Variants in TNNI3K observed in about 807,000 individuals in gnomAD.
The protein encoded by TNNI3K is TNNI3 interacting kinase.
TNNI3K carries 140 observed loss-of-function variants against 114.5 expected under a neutral mutation model. The observed-to-expected ratio is 1.22, with a 90% CI of 1.07 to 1.41. TNNI3K has a LOEUF of 1.41. Ranked by LOEUF, TNNI3K falls within the 40% of genes most tolerant of loss-of-function variation. The pLI, the probability that TNNI3K is intolerant of heterozygous loss-of-function variation, is 0.00. For missense variants in TNNI3K, 1,125 were observed against 1,007.6 expected (o/e 1.12, Z -1.58); for synonymous variants, 347 against 347.5 (o/e 1.00, Z 0.02).
intron 4 of TNNI3K, among the ~76,000 whole-genome samples, chr1:74,256,826 T>G (rs1655344032): frequency 6.6e-6 from 1 of 152,120 alleles, no homozygotes. Context: ...ATTATTAGAA[T>G]TTTTGTGTTA....
At chr1:74,293,359 A>C (rs2100294886) in intron 5 of TNNI3K, among the ~76,000 whole-genome samples, 1 of 151,792 alleles carries the variant, frequency 6.6e-6, no homozygotes. Flanking sequence ...TCCTTGCTGA[A>C]GCTTTACAAT....
chr1:74,348,901 G>C (rs1466841144), intron 9 of TNNI3K, among the ~76,000 whole-genome samples: 1 of 152,196 alleles, frequency 6.6e-6, no homozygotes, highest in Non-Finnish European at 1.5e-5. Context: ...TTTGGGCTGA[G>C]ACTATGGCGT....
chr1:74,325,263 A>G (rs951512780), intron 5 of TNNI3K, among the ~76,000 whole-genome samples: 13 of 152,112 alleles, frequency 8.5e-5, no homozygotes, highest in African/African-American at 1.7e-4. Context: ...CACTTTGGCC[A>G]CTAGAGCCCT....
chr1:74,329,512 C>T (rs7518885), intron 5 of TNNI3K, among the ~76,000 whole-genome samples: 2,302 of 152,046 alleles, frequency 0.015, 50 homozygotes, highest in African/African-American at 0.05. Context: ...AATAAAAATT[C>T]GTGATTTTAT....
chr1:74,454,633 G>A (rs1667157618), intron 20 of TNNI3K, among the ~76,000 whole-genome samples: 1 of 152,026 alleles, frequency 6.6e-6, no homozygotes, highest in Admixed American at 6.6e-5. Context: ...GTACATTTAG[G>A]CTGGTTCAAA....
In TNNI3K at chr1:74,367,295, G is replaced by A. The variant is rs200432313; in HGVS notation, c.1217G>A (p.Arg406Lys). The A allele has an allele frequency of 2.5e-6, 4 of 1,612,038 alleles. No homozygotes were observed. Among genetic ancestry groups the A allele is most frequent in the Non-Finnish European group, 3.4e-6 (4 of 1,178,722 alleles). Reference protein sequence around the residue: ...AIVTLLKHYKRPQDELPCNEY... With the variant: ...AIVTLLKHYKKPQDELPCNEY... Reference sequence around the variant, plus strand: ...GTCACACTCCTGAAGCATTATAAGAGACCACAAGATGAATTGCCCTGTAAT... The same window carrying A: ...GTCACACTCCTGAAGCATTATAAGAAACCACAAGATGAATTGCCCTGTAAT... Residue 406 changes from arginine (R) to lysine (K), a missense_variant, in exon 12 of 25, where the codon AGA (arginine) becomes AAA (lysine). Transcript: ENST00000326637.
chr1:74,519,892 T>G (rs1646405833), intron 23 of TNNI3K, among the ~76,000 whole-genome samples: 1 of 152,102 alleles, frequency 6.6e-6, no homozygotes, highest in Non-Finnish European at 1.5e-5. Context: ...GGAGCACAGA[T>G]CCACCTTCTC....
chr1:74,262,551 A>T (rs916490476), intron 4 of TNNI3K, among the ~76,000 whole-genome samples: 3 of 151,768 alleles, frequency 2.0e-5, no homozygotes, highest in African/African-American at 7.3e-5. Context: ...GAAAAAAAAA[A>T]CTCAAAAAAA....
In TNNI3K at chr1:74,343,197, T is replaced by G. The variant is rs1252137418; in HGVS notation, c.932+18T>G. 6.3e-7 allele frequency: 1 copy of G among 1,596,052 alleles called. No individual in the cohort carries two copies. The highest frequency in any genetic ancestry group is 8.5e-7 in the Non-Finnish European group (1 of 1,171,096). On this transcript the variant is annotated intron_variant, in intron 9 of 24. Coordinates refer to ENST00000326637, the MANE Select transcript of TNNI3K (RefSeq NM_015978.3). ...TTTCATAGGTAAAAGAATATTTAAGTGCAATAGCCACTAAACTTAGCTGAC... is the reference window on the plus strand; with the variant it reads ...TTTCATAGGTAAAAGAATATTTAAGGGCAATAGCCACTAAACTTAGCTGAC...
chr1:74,471,744 T>C, intron 21 of TNNI3K: 1 of 403,578 alleles, frequency 2.5e-6, no homozygotes, highest in East Asian at 3.6e-5. Context: ...TGGTTTTTGT[T>C]GATAATCCTG....
chr1:74,442,917 G>T (rs1257381480), intron 20 of TNNI3K, among the ~76,000 whole-genome samples: 3 of 152,068 alleles, frequency 2.0e-5, no homozygotes, highest in African/African-American at 7.2e-5. Flanking sequence ...TGAATCCTGA[G>T]TAAAAAAATG....
At chr1:74,309,366 CAAAAA>C (rs71078188) in intron 5 of TNNI3K, among the ~76,000 whole-genome samples, 1 of 24,082 alleles carries the variant, frequency 4.2e-5, no homozygotes, top group Non-Finnish European at 6.9e-5. Context: ...GACTCTGTCT[CAAAAA>C]AAAAAAAAAA....
chr1:74,536,496 C>T (rs1339866489), intron 23 of TNNI3K, among the ~76,000 whole-genome samples: 1 of 152,012 alleles, frequency 6.6e-6, no homozygotes, highest in Non-Finnish European at 1.5e-5. Flanking sequence ...TCCTAATGCA[C>T]CTTTATAAAA....
At chr1:74,533,576 G>C (rs1646620482) in intron 23 of TNNI3K, among the ~76,000 whole-genome samples, 1 of 152,136 alleles carries the variant, frequency 6.6e-6, no homozygotes. Flanking sequence ...ATACCCAAAG[G>C]ACTATAAATC....
intron 11 of TNNI3K, 37 bp downstream of exon 11, chr1:74,354,166 T>C (rs774741865): frequency 6.8e-6 from 11 of 1,612,588 alleles, no homozygotes; most frequent in Non-Finnish European, 9.3e-6. Flanking sequence ...TAGTGATACA[T>C]TGAACTGTGT....
intron 17 of TNNI3K, among the ~76,000 whole-genome samples, chr1:74,383,122 T>G (rs560937523): frequency 4.6e-5 from 7 of 150,794 alleles, no homozygotes; most frequent in Non-Finnish European, 8.9e-5. Context: ...ATTCTGAGTC[T>G]TCTTCTGTTG....
At chr1:74,419,131 G>T (rs576702281) in intron 17 of TNNI3K, among the ~76,000 whole-genome samples, 24 of 152,088 alleles carry the variant, frequency 1.6e-4, no homozygotes, top group African/African-American at 5.5e-4. Context: ...GTGTCAGGAG[G>T]GTGGTTCTCT....
At chr1:74,530,368 T>C (rs1191127156) in intron 23 of TNNI3K, among the ~76,000 whole-genome samples, 1 of 152,210 alleles carries the variant, frequency 6.6e-6, no homozygotes, top group Non-Finnish European at 1.5e-5. Flanking sequence ...TGGGTTATCT[T>C]GGGTAAGACA....
rs77072568 is a variant in TNNI3K, at chr1:74,414,695, G to T, written c.1773-21385G>T. ...TATAAGAAAGATAAGCAAATCAATA[G>T]GTACCAAAGACATCTAACCATTCAG... On this transcript the variant is annotated intron_variant, in intron 17 of 24. Coordinates refer to ENST00000326637, the MANE Select transcript of TNNI3K (RefSeq NM_015978.3). 2.4e-3 allele frequency among the ~76,000 whole-genome samples: 363 copies of T among 152,254 alleles called. 4 individuals are homozygous for T. The highest frequency in any genetic ancestry group is 8.3e-3 in the African/African-American group (345 of 41,558).
Sources: allele counts gnomAD v4.1 joint callset (sites outside exome capture counted in the v4.1 genomes callset), GRCh38; gene constraint gnomAD v4.1.1; transcripts MANE v1.5; gene names NCBI Gene and HGNC (gene_info 2026-07-23, HGNC 2026-07-21).